The following ARHGAP15 variants were observed in gnomAD, a reference collection of about 807,000 sequenced individuals.
ARHGAP15 encodes the protein rho GTPase-activating protein 15.
A neutral mutation model predicts 63.7 loss-of-function variants in ARHGAP15; 51 were observed. The observed-to-expected ratio is 0.80, with a 90% CI of 0.64 to 1.01. ARHGAP15 has a LOEUF of 1.01. Ranked by LOEUF, ARHGAP15 falls within the 50% of genes least tolerant of loss-of-function variation. The probability of loss-of-function intolerance (pLI) is 0.00; values close to 1 mark genes in which losing one functional copy is unlikely to be tolerated. For synonymous variants in ARHGAP15, 191 were observed against 193.8 expected (o/e 0.99, Z 0.12); for missense variants, 560 against 564.6 (o/e 0.99, Z 0.08).
At position 143,228,617 on chromosome 2, in the gene ARHGAP15, T is replaced by C. The variant is rs771760621; in HGVS notation, c.333T>C (p.Ser111=). 1 of 1,610,148 alleles carries C rather than the reference T, an allele frequency of 6.2e-7. No individual in the cohort carries two copies. Among genetic ancestry groups the C allele is most frequent in the East Asian group, 2.2e-5 (1 of 44,582 alleles). ...CTACTTCCTGGATTGTTCTTTCTAGTCGAAGAATTGAATTTTACAAAGAAT... is the reference window on the plus strand; with the variant it reads ...CTACTTCCTGGATTGTTCTTTCTAGCCGAAGAATTGAATTTTACAAAGAAT... The part of the protein sequence containing the change: ...NWSTSWIVLS[S]RRIEFYKESK... The change falls in exon 5 of 14, where the codon AGT becomes AGC. Residue 111 remains serine, a synonymous_variant. Transcript: ENST00000295095.
At chr2:143,500,537 T>A (rs1433678024) in intron 9 of ARHGAP15, among the ~76,000 whole-genome samples, 1 of 152,162 alleles carries the variant, frequency 6.6e-6, no homozygotes, top group African/African-American at 2.4e-5. Context: ...TGTTCAGATG[T>A]AAGAAAATCA....
At chr2:143,151,098 C>T (rs1049603175) in intron 1 of ARHGAP15, among the ~76,000 whole-genome samples, 1 of 151,998 alleles carries the variant, frequency 6.6e-6, no homozygotes. Context: ...TGGAGTTCCT[C>T]GTTCTCTTTG....
intron 6 of ARHGAP15, among the ~76,000 whole-genome samples, chr2:143,412,074 G>C (rs1688470875): frequency 6.6e-6 from 1 of 152,130 alleles, no homozygotes; most frequent in South Asian, 2.1e-4. Context: ...GTTTCAATTT[G>C]AACCAGTAGT....
intron 6 of ARHGAP15, among the ~76,000 whole-genome samples, chr2:143,300,082 T>G (rs1030979881): frequency 6.6e-6 from 1 of 152,028 alleles, no homozygotes; most frequent in African/African-American, 2.4e-5. Context: ...AAAGGAAAAT[T>G]GAAATGTGTA....
chr2:143,254,305 G>T (rs557583913), intron 6 of ARHGAP15, among the ~76,000 whole-genome samples: 79 of 151,918 alleles, frequency 5.2e-4, no homozygotes, highest in South Asian at 1.0e-3. Flanking sequence ...CACACAAGCG[G>T]GGCTACTGTC....
At chr2:143,729,744 G>C (rs1281686306) in intron 13 of ARHGAP15, among the ~76,000 whole-genome samples, 1 of 152,244 alleles carries the variant, frequency 6.6e-6, no homozygotes, top group Admixed American at 6.5e-5. Context: ...CAGCAAAGCA[G>C]AGATATTGCA....
intron 6 of ARHGAP15, among the ~76,000 whole-genome samples, chr2:143,350,453 T>C (rs540026833): frequency 7.2e-5 from 11 of 152,154 alleles, no homozygotes; most frequent in African/African-American, 2.6e-4. Flanking sequence ...CAAAGAAAAG[T>C]TGGAAACTGC....
chr2:143,440,896 G>A (rs532211979), intron 8 of ARHGAP15, among the ~76,000 whole-genome samples: 2 of 152,262 alleles, frequency 1.3e-5, no homozygotes, highest in South Asian at 4.1e-4. Context: ...AAAGAGAATT[G>A]TCTTCCACTG....
intron 5 of ARHGAP15, among the ~76,000 whole-genome samples, chr2:143,247,833 A>T (rs1184288570): frequency 1.3e-5 from 2 of 152,176 alleles, no homozygotes; most frequent in African/African-American, 4.8e-5. Context: ...CCAAATCACA[A>T]AGACTGCTTA....
At chr2:143,746,484 G>A (rs758565431) in intron 13 of ARHGAP15, among the ~76,000 whole-genome samples, 2 of 152,152 alleles carry the variant, frequency 1.3e-5, no homozygotes, top group Non-Finnish European at 2.9e-5. Context: ...TCTGACTGCA[G>A]ACAGAAAAAT....
intron 8 of ARHGAP15, among the ~76,000 whole-genome samples, chr2:143,471,732 G>A (rs1260498870): frequency 6.6e-6 from 1 of 152,136 alleles, no homozygotes; most frequent in Non-Finnish European, 1.5e-5. Context: ...GCTCAAGAAA[G>A]AGCAGGAAGA....
At chr2:143,405,915 C>A (rs894353962) in intron 6 of ARHGAP15, among the ~76,000 whole-genome samples, 2 of 151,936 alleles carry the variant, frequency 1.3e-5, no homozygotes, top group African/African-American at 4.8e-5. Context: ...TCCATAAAGT[C>A]TGGTAATGCT....
chr2:143,217,390 A>G (rs1692797631), intron 4 of ARHGAP15, among the ~76,000 whole-genome samples: 1 of 152,156 alleles, frequency 6.6e-6, no homozygotes. Context: ...TAAAATAGCT[A>G]TTTCAGTTGT....
At chr2:143,338,364 T>A (rs909295771) in intron 6 of ARHGAP15, among the ~76,000 whole-genome samples, 1 of 152,212 alleles carries the variant, frequency 6.6e-6, no homozygotes, top group Admixed American at 6.5e-5. Context: ...TCAACTCACG[T>A]GGATCAGATT....
At chr2:143,189,421 T>TA (rs34802368) in intron 2 of ARHGAP15, among the ~76,000 whole-genome samples, 25 of 151,412 alleles carry the variant, frequency 1.7e-4, no homozygotes, top group Middle Eastern at 3.2e-3. Context: ...TTCCAGCTAT[T>TA]AAAAAAAAAT....
chr2:143,216,257 C>A, intron 3 of ARHGAP15, 127 bp from the exon 4 acceptor site: 1 of 653,834 alleles, frequency 1.5e-6, no homozygotes, highest in Non-Finnish European at 2.7e-6. Context: ...GCTATATATG[C>A]ATTATTAATA....
intron 6 of ARHGAP15, among the ~76,000 whole-genome samples, chr2:143,334,927 C>CTATGCAAAGCA (rs1684705186): frequency 6.6e-6 from 1 of 152,152 alleles, no homozygotes; most frequent in Admixed American, 6.5e-5. Context: ...CTTTGCTATG[C>CTATGCAAAGCA]ACATACTACT....
chr2:143,616,725 A>G (rs1309650532), intron 11 of ARHGAP15, among the ~76,000 whole-genome samples: 1 of 152,212 alleles, frequency 6.6e-6, no homozygotes, highest in Non-Finnish European at 1.5e-5. Context: ...TCCTCTTGCC[A>G]GAAAGGAACC....
intron 6 of ARHGAP15, among the ~76,000 whole-genome samples, chr2:143,326,016 T>C (rs907091324): frequency 2.0e-5 from 3 of 152,190 alleles, no homozygotes; most frequent in African/African-American, 7.2e-5. Context: ...AGGGTCTCAG[T>C]TGAAAGGCTA....
Sources: allele counts gnomAD v4.1 joint callset (sites outside exome capture counted in the v4.1 genomes callset), GRCh38; gene constraint gnomAD v4.1.1; transcripts MANE v1.5; gene names NCBI Gene and HGNC (gene_info 2026-07-23, HGNC 2026-07-21).